ACVR1: variants seen among roughly 807,000 people sequenced by gnomAD.
ACVR1 encodes activin A receptor type 1.
ACVR1 carries 38 observed loss-of-function variants against 57.1 expected under a neutral mutation model. The ratio of observed to expected loss-of-function variants is 0.67; its 90% CI spans 0.51 to 0.87. ACVR1 has a LOEUF of 0.87. ACVR1 is among the 40% of genes least tolerant of loss of function. ACVR1 has a pLI of 0.00. For missense variants in ACVR1, 463 were observed against 638.2 expected (o/e 0.73, Z 2.96); for synonymous variants, 212 against 228.1 (o/e 0.93, Z 0.63).
rs185222913 is a variant in ACVR1 at position 157,778,407 on chromosome 2, C to G, written c.332-65G>C. The G allele has an allele frequency of 2.0e-4, 276 of 1,346,534 alleles. No individual in the cohort carries two copies. The African/African-American group carries it at 3.2e-3, about 15-fold the overall frequency. 83.4% of individuals were successfully genotyped at this position (1,346,534 alleles called of 1,614,324 possible). ...CACTGCTTACTTATTATTAGCATAA[C>G]CAATATCCTAACAAGTAGCTCCTGA... On this transcript the variant is annotated intron_variant, in intron 4 of 10. Transcript: ENST00000434821.
At chr2:157,754,028 T>C (rs1305723602) in intron 9 of ACVR1, among the ~76,000 whole-genome samples, 1 of 152,106 alleles carries the variant, frequency 6.6e-6, no homozygotes, top group African/African-American at 2.4e-5. Context: ...AACAATGAAA[T>C]CAAGATGGAA....
chr2:157,793,200 GCACTGCA>G (rs1686985707), intron 3 of ACVR1, among the ~76,000 whole-genome samples: 2 of 152,162 alleles, frequency 1.3e-5, no homozygotes, highest in Non-Finnish European at 2.9e-5. Context: ...AGAAGTGACT[GCACTGCA>G]CACTGTTGAC....
At chr2:157,762,475 C>T (rs1009246541) in intron 8 of ACVR1, among the ~76,000 whole-genome samples, 8 of 152,290 alleles carry the variant, frequency 5.3e-5, no homozygotes, top group African/African-American at 1.9e-4. Context: ...GAGGGGACTA[C>T]TGTATGCCCC....
chr2:157,856,157 T>G (rs978681458), intron 1 of ACVR1, among the ~76,000 whole-genome samples: 4 of 152,188 alleles, frequency 2.6e-5, no homozygotes, highest in African/African-American at 7.2e-5. Flanking sequence ...TGCTATAATG[T>G]GCTTTTTTCC....
In ACVR1 at chr2:157,809,266, C is replaced by A. The variant is rs753324135; in HGVS notation, c.-8+9119G>T. Among the ~76,000 whole-genome samples, 37 of 152,110 alleles carry A rather than the reference C, an allele frequency of 2.4e-4. 1 individual carries two copies. The highest frequency in any genetic ancestry group is 4.9e-4 in the Non-Finnish European group (33 of 68,022). Reference sequence around the variant, plus strand: ...GAAAAGAATTCTCTTAGTGGTCTGTCTCCTCTCCCCTCCCCCGAATAGAAT... The same window carrying A: ...GAAAAGAATTCTCTTAGTGGTCTGTATCCTCTCCCCTCCCCCGAATAGAAT... On this transcript the variant is annotated intron_variant, in intron 2 of 10. Transcript: ENST00000434821.
intron 2 of ACVR1, among the ~76,000 whole-genome samples, chr2:157,811,089 G>A (rs1687737686): frequency 6.6e-6 from 1 of 152,202 alleles, no homozygotes; most frequent in Non-Finnish European, 1.5e-5. Flanking sequence ...AGGATGTGGT[G>A]TTGTGACCAC....
At chr2:157,777,454 G>A (rs190384769) in intron 5 of ACVR1, among the ~76,000 whole-genome samples, 6 of 152,258 alleles carry the variant, frequency 3.9e-5, no homozygotes, top group African/African-American at 9.6e-5. Context: ...TCGATTATAC[G>A]TTGAAATGAC....
In ACVR1 at chr2:157,778,153, T is replaced by A. The variant is rs374178479; in HGVS notation, c.521A>T (p.Asn174Ile). 3 of 1,613,728 alleles carry A rather than the reference T, an allele frequency of 1.9e-6. No individual in the cohort carries two copies. The highest frequency in any genetic ancestry group is 2.5e-6 in the Non-Finnish European group (3 of 1,179,878). Residue 174 changes from asparagine (N) to isoleucine (I), a missense_variant, in exon 5 of 11, where the codon AAT becomes ATT. Transcript: ENST00000434821. Reference sequence around the variant, plus strand: ...TACTGCTAAAGTGCTGTCTCCAACATTGGTGGTGATGAGCCCTTCGATAGT... The same window carrying A: ...TACTGCTAAAGTGCTGTCTCCAACAATGGTGGTGATGAGCCCTTCGATAGT... ...YGTIEGLITT[N>I]VGDSTLADLL...
At chr2:157,780,692 C>T (rs1237783715) in intron 3 of ACVR1, 92 bp from the exon 4 acceptor site, 8 of 1,455,568 alleles carry the variant, frequency 5.5e-6, no homozygotes, top group African/African-American at 1.4e-5. Flanking sequence ...ATTCCAAACA[C>T]CTCTATCAAC....
intron 1 of ACVR1, among the ~76,000 whole-genome samples, chr2:157,828,920 C>T: frequency 6.6e-6 from 1 of 152,080 alleles, no homozygotes. Flanking sequence ...GCACCCACCA[C>T]CATGCCCAGA....
In ACVR1 at chr2:157,778,317, A is replaced by T; in HGVS notation, c.357T>A (p.Asn119Lys). 1 of 1,614,026 alleles carries T rather than the reference A, an allele frequency of 6.2e-7. No homozygotes were observed. Residue 119 changes from asparagine (N) to lysine (K), a missense_variant, in exon 5 of 11, where the codon AAT (asparagine) becomes AAA (lysine). Coordinates refer to ENST00000434821, the MANE Select transcript of ACVR1 (RefSeq NM_001111067.4). ...TAATGAGGCCAACCTCCAAGTGGAAATTCTGTGTTCCAGGGAAGGATTTTC... is the reference window on the plus strand; with the variant it reads ...TAATGAGGCCAACCTCCAAGTGGAATTTCTGTGTTCCAGGGAAGGATTTTC... ...TKGKSFPGTQ[N>K]FHLEVGLIIL... is the part of the protein sequence containing the mutation.
At chr2:157,839,876 GC>G (rs2105353966) in intron 1 of ACVR1, among the ~76,000 whole-genome samples, 1 of 152,288 alleles carries the variant, frequency 6.6e-6, no homozygotes, top group African/African-American at 2.4e-5. Context: ...GAATCATTCT[GC>G]AGAAACTCTA....
chr2:157,798,206 C>CA (rs57766261), intron 3 of ACVR1, among the ~76,000 whole-genome samples: 8,176 of 152,034 alleles, frequency 0.054, 797 homozygotes, highest in African/African-American at 0.19. Flanking sequence ...CATAAAAACA[C>CA]AAAGTATGTA....
At chr2:157,815,620 A>G (rs186405162) in intron 2 of ACVR1, among the ~76,000 whole-genome samples, 40 of 152,206 alleles carry the variant, frequency 2.6e-4, no homozygotes, top group South Asian at 8.3e-4. Flanking sequence ...CATATACACA[A>G]AATAAAGTCT....
At chr2:157,756,343 A>C (rs1685425577) in intron 9 of ACVR1, among the ~76,000 whole-genome samples, 1 of 152,174 alleles carries the variant, frequency 6.6e-6, no homozygotes, top group Non-Finnish European at 1.5e-5. Flanking sequence ...CTGCACAGCA[A>C]AAGGAACAGT....
intron 1 of ACVR1, among the ~76,000 whole-genome samples, chr2:157,855,282 G>A (rs1433604574): frequency 1.5e-5 from 1 of 67,648 alleles, no homozygotes; most frequent in South Asian, 6.6e-4. Context: ...GTGTGTGTGT[G>A]TGTGTGTGTG....
chr2:157,802,825 C>T lies in ACVR1; in HGVS notation c.-7-3325G>A, dbSNP rs191474919. 3.9e-5 allele frequency among the ~76,000 whole-genome samples: 6 copies of T among 152,284 alleles called. No homozygotes were observed. In the East Asian group the frequency reaches 5.8e-4, roughly 15 times the overall value. ...CTCTGTCACTAGACTGTGAATTCCA[C>T]GGGAGGAAAATCTATAGTCTATCTT... On this transcript the variant is annotated intron_variant, in intron 2 of 10. Coordinates refer to ENST00000434821, the MANE Select transcript of ACVR1 (RefSeq NM_001111067.4).
At chr2:157,738,638 T>A in intron 9 of ACVR1, 68 bp from the exon 10 acceptor site, 3 of 1,609,188 alleles carry the variant, frequency 1.9e-6, no homozygotes, top group Non-Finnish European at 2.6e-6. Context: ...GTTTCATTGA[T>A]GGGTGTCACA....
intron 3 of ACVR1, among the ~76,000 whole-genome samples, chr2:157,782,879 C>T (rs1207961824): frequency 6.6e-6 from 1 of 152,138 alleles, no homozygotes; most frequent in Admixed American, 6.5e-5. Flanking sequence ...AGGATATATA[C>T]CTAACCCATT....
Sources: gnomAD v4.1 joint callset for allele counts (sites outside exome capture counted in the v4.1 genomes callset) on GRCh38, gnomAD v4.1.1 for gene constraint, MANE v1.5 for transcripts, NCBI Gene and HGNC (gene_info 2026-07-23, HGNC 2026-07-21) for gene names.